ROCK2: variants seen among roughly 807,000 people sequenced by gnomAD.
The protein encoded by ROCK2 is rho-associated protein kinase 2.
In ROCK2, 61 loss-of-function variants were observed where a neutral mutation model predicts 195.1. The ratio of observed to expected loss-of-function variants is 0.31; its 90% CI spans 0.25 to 0.39. ROCK2 has a LOEUF of 0.39. Among genes scored for constraint, ROCK2 ranks in the 10% least tolerant of loss-of-function variants. The pLI, the probability that ROCK2 is intolerant of heterozygous loss-of-function variation, is 1.00. For synonymous variants in ROCK2, 504 were observed against 545.5 expected (o/e 0.92, Z 1.06); for missense variants, 1,109 against 1,637.4 (o/e 0.68, Z 5.57).
intron 1 of ROCK2, among the ~76,000 whole-genome samples, chr2:11,318,189 C>G (rs1668285886): frequency 6.6e-6 from 1 of 152,192 alleles, no homozygotes; most frequent in Non-Finnish European, 1.5e-5. Context: ...AATTGCCACA[C>G]TGTCTTCCAC....
In ROCK2 at chr2:11,208,320, C is replaced by T. The variant is rs368271329; in HGVS notation, c.2331G>A (p.Glu777=). Residue 777 remains glutamate, a synonymous_variant, in exon 19 of 33, where the codon GAG becomes GAA. Transcript: ENST00000315872. ...TTAGCACATCTTTCTGTTTAAGGAG[C>T]TCATTTATTTTCTGCTGTGACTGTT... is the stretch of plus-strand genomic sequence containing the variant. ...DLKQSQQKIN[E]LLKQKDVLNE... The T allele has an allele frequency of 1.5e-5, 22 of 1,486,152 alleles. No homozygotes were observed. The highest frequency in any genetic ancestry group is 1.8e-5 in the Non-Finnish European group (20 of 1,105,180). 92.1% of individuals were successfully genotyped at this position (1,486,152 alleles called of 1,614,324 possible). A position where few individuals can be genotyped will look rare whatever the true frequency, so the allele number is the denominator to read the frequency against.
chr2:11,227,724 G>A (rs1366908830), intron 5 of ROCK2, among the ~76,000 whole-genome samples: 1 of 152,094 alleles, frequency 6.6e-6, no homozygotes, highest in African/African-American at 2.4e-5. Flanking sequence ...CAGTTATGAG[G>A]TTAGTACAAA....
chr2:11,291,054 T>A (rs1321065040), intron 1 of ROCK2, among the ~76,000 whole-genome samples: 1 of 152,198 alleles, frequency 6.6e-6, no homozygotes, highest in Non-Finnish European at 1.5e-5. Context: ...AAATGTGTTA[T>A]CCTACTGTAT....
chr2:11,287,427 T>C (rs1391169102), intron 2 of ROCK2, among the ~76,000 whole-genome samples: 4 of 152,188 alleles, frequency 2.6e-5, no homozygotes, highest in Non-Finnish European at 5.9e-5. Flanking sequence ...CTTAATAATG[T>C]ATTTCAAAAT....
chr2:11,249,748 C>G lies in ROCK2; in HGVS notation c.375G>C (p.Lys125Asn). 1 of 1,589,144 alleles carries G rather than the reference C, an allele frequency of 6.3e-7. No individual in the cohort carries two copies. Among genetic ancestry groups the G allele is most frequent in the Non-Finnish European group, 8.5e-7 (1 of 1,170,304 alleles). Residue 125 changes from lysine to asparagine, a missense_variant, in exon 4 of 33, where the codon AAG becomes AAC. By Grantham distance (94) the Lys-to-Asn change is moderately conservative. Around this residue, in one of 6 missense-constraint regions of ROCK2, gnomAD observed 253 missense variants for 455.5 expected, o/e 0.56. Coordinates refer to ENST00000315872, the MANE Select transcript of ROCK2 (RefSeq NM_004850.5). ...AATCTGATCTTTTTATCATTTCAAA[C>G]TTACTAAGAAGCTTCATAGCATAAA... Reference protein sequence around the residue: ...QKVYAMKLLSKFEMIKRSDSA... With the variant: ...QKVYAMKLLSNFEMIKRSDSA...
intron 1 of ROCK2, among the ~76,000 whole-genome samples, chr2:11,330,740 G>GGGAGGAGGAGGAGGGGGA (rs148690962): frequency 2.3e-5 from 1 of 43,260 alleles, no homozygotes; most frequent in Non-Finnish European, 4.7e-5. Flanking sequence ...AAGATGAGGA[G>GGGAGGAGGAGGAGGGGGA]GGAGGAGGGA....
chr2:11,327,655 C>T (rs1204454191), intron 1 of ROCK2, among the ~76,000 whole-genome samples: 1 of 152,138 alleles, frequency 6.6e-6, no homozygotes, highest in Non-Finnish European at 1.5e-5. Context: ...CTCCACCTCC[C>T]CAGCTCAAGC....
intron 1 of ROCK2, among the ~76,000 whole-genome samples, chr2:11,307,846 A>G (rs993212206): frequency 2.6e-5 from 4 of 152,174 alleles, no homozygotes; most frequent in Admixed American, 6.5e-5. Context: ...GTCCCTAAAC[A>G]ATACAATATA....
intron 23 of ROCK2, among the ~76,000 whole-genome samples, chr2:11,200,644 G>C (rs144729790): frequency 2.0e-5 from 3 of 151,750 alleles, no homozygotes; most frequent in African/African-American, 7.3e-5. Context: ...AATTTTTATT[G>C]CAATTTTTTC....
chr2:11,344,509 C>T lies in ROCK2; in HGVS notation c.-373G>A. Reference sequence around the variant, plus strand: ...CCCGGACCGCCCCGCCCTCTGGGGCCCCGGGAGGCTGAAGCCCAGGCCTGG... The same window carrying T: ...CCCGGACCGCCCCGCCCTCTGGGGCTCCGGGAGGCTGAAGCCCAGGCCTGG... On this transcript the variant is annotated 5_prime_UTR_variant, in exon 1 of 33. Transcript: ENST00000315872. This position sits in a 1 kb window ranked among gnomAD's most constrained non-coding sequence, Gnocchi z 5.4. 2.0e-6 allele frequency: 2 copies of T among 986,886 alleles called. No individual in the cohort carries two copies. The highest frequency in any genetic ancestry group is 2.4e-6 in the Non-Finnish European group (2 of 831,818). The allele number at this position is 986,886 out of a possible 1,614,324, so 61.1% of individuals were successfully genotyped here.
chr2:11,192,627 T>C lies in ROCK2; in HGVS notation c.3773A>G (p.His1258Arg). 4.3e-6 allele frequency: 7 copies of C among 1,614,032 alleles called. No individual in the cohort carries two copies. Among genetic ancestry groups the C allele is most frequent in the Non-Finnish European group, 5.9e-6 (7 of 1,179,976 alleles). ...PVGEKSNYIC[H>R]KGHEFIPTLY... is the part of the protein sequence containing the mutation. ...AGTAGGAATAAACTCATGTCCCTTG[T>C]GGCAAATATAATTAGATTTTTCTCC... is the stretch of plus-strand genomic sequence containing the variant. The change falls in exon 31 of 33, where the codon CAC (histidine) becomes CGC (arginine). Residue 1258 changes from histidine to arginine, a missense_variant. By Grantham distance (29) the His-to-Arg change is conservative. This residue lies in a region of ROCK2 where 221 missense variants were observed against 355.1 expected (regional missense o/e 0.62). Transcript: ENST00000315872. The surrounding 1 kb of genome is among the most constrained non-coding windows in gnomAD (Gnocchi z 5.0).
chr2:11,185,399 C>G (rs1296603412), intron 32 of ROCK2, among the ~76,000 whole-genome samples: 3 of 152,114 alleles, frequency 2.0e-5, no homozygotes, highest in Non-Finnish European at 4.4e-5. Flanking sequence ...AATTCAATAA[C>G]CTAAACTGTA....
At chr2:11,317,573 C>CATTT (rs1668235550) in intron 1 of ROCK2, among the ~76,000 whole-genome samples, 1 of 49,778 alleles carries the variant, frequency 2.0e-5, no homozygotes, top group East Asian at 5.4e-4. Context: ...CTGATCTACA[C>CATTT]ATTTATATAT....
intron 4 of ROCK2, among the ~76,000 whole-genome samples, chr2:11,242,600 GAAGA>G (rs1665465956): frequency 6.6e-6 from 1 of 152,100 alleles, no homozygotes; most frequent in African/African-American, 2.4e-5. Flanking sequence ...GTATGATCTT[GAAGA>G]AACTAAAATA....
At chr2:11,225,544 T>C (rs774625758) in intron 6 of ROCK2, among the ~76,000 whole-genome samples, 58 of 152,240 alleles carry the variant, frequency 3.8e-4, no homozygotes, top group Middle Eastern at 6.8e-3. Flanking sequence ...TCTCATATGT[T>C]CCCCAGGCTG....
chr2:11,308,802 T>C (rs1667944256), intron 1 of ROCK2: 5 of 1,611,666 alleles, frequency 3.1e-6, no homozygotes, highest in Non-Finnish European at 3.4e-6. Context: ...TTTGCTTTCA[T>C]GGAGATGGAT....
intron 23 of ROCK2, 74 bp downstream of exon 23, chr2:11,200,883 T>G: frequency 7.8e-7 from 1 of 1,279,586 alleles, no homozygotes; most frequent in South Asian, 1.7e-5. Flanking sequence ...TCTGTGATAC[T>G]TAGTATGTCT....
intron 1 of ROCK2, among the ~76,000 whole-genome samples, chr2:11,306,482 A>G (rs1178040844): frequency 6.6e-6 from 1 of 152,232 alleles, no homozygotes; most frequent in Non-Finnish European, 1.5e-5. Context: ...ATTAAAATGC[A>G]AACTGATAGG....
chr2:11,328,956 T>C (rs956478861), intron 1 of ROCK2, among the ~76,000 whole-genome samples: 14 of 150,298 alleles, frequency 9.3e-5, no homozygotes, highest in Middle Eastern at 3.2e-3. Flanking sequence ...TTAGGAGATA[T>C]ACCTAATGCT....
Sources: allele counts gnomAD v4.1 joint callset (sites outside exome capture counted in the v4.1 genomes callset), GRCh38; gene constraint gnomAD v4.1.1; regional missense constraint gnomAD v4.1.1; non-coding constraint Gnocchi (gnomAD v3.1); transcripts MANE v1.5; gene names NCBI Gene and HGNC (gene_info 2026-07-23, HGNC 2026-07-21).